CDH18: variants seen among roughly 807,000 people sequenced by gnomAD.
CDH18 encodes the protein cadherin 18, also known as cadherin-18.
In CDH18, 31 loss-of-function variants were observed where a neutral mutation model predicts 67.9. The ratio of observed to expected loss-of-function variants is 0.46; its 90% CI spans 0.34 to 0.62. CDH18 has a LOEUF of 0.62. Among genes scored for constraint, CDH18 ranks in the 20% least tolerant of loss-of-function variants. The pLI is 0.01. For missense variants in CDH18, 890 were observed against 975.5 expected, an observed-to-expected ratio of 0.91 and a Z score of 1.17; for synonymous variants, 362 against 347.2, an observed-to-expected ratio of 1.04 and a Z score of -0.48.
intron 1 of CDH18, among the ~76,000 whole-genome samples, chr5:20,351,359 C>T (rs1180504477): frequency 6.6e-6 from 1 of 151,788 alleles, no homozygotes; most frequent in East Asian, 1.9e-4. Context: ...ATATAAAATG[C>T]TTTTCTAGAA....
At chr5:19,768,958 A>T (rs1168058582) in intron 3 of CDH18, among the ~76,000 whole-genome samples, 1 of 152,128 alleles carries the variant, frequency 6.6e-6, no homozygotes, top group Non-Finnish European at 1.5e-5. Context: ...CAACAGATTT[A>T]AAAGAAGGCA....
chr5:19,828,389 C>T (rs1187512995), intron 3 of CDH18, among the ~76,000 whole-genome samples: 3 of 151,946 alleles, frequency 2.0e-5, no homozygotes, highest in South Asian at 2.1e-4. Flanking sequence ...CATCCTGATA[C>T]AAAAATCTGT....
At chr5:20,051,424 T>C (rs571516652) in intron 2 of CDH18, among the ~76,000 whole-genome samples, 3 of 152,100 alleles carry the variant, frequency 2.0e-5, no homozygotes, top group African/African-American at 7.2e-5. Context: ...CCATTATAAA[T>C]TTCTGAGTTA....
intron 1 of CDH18, among the ~76,000 whole-genome samples, chr5:20,540,451 T>C (rs952907855): frequency 6.6e-6 from 1 of 152,150 alleles, no homozygotes; most frequent in African/African-American, 2.4e-5. Flanking sequence ...GATGCACCAG[T>C]CACAGTTTTA....
intron 12 of CDH18, among the ~76,000 whole-genome samples, chr5:19,474,594 A>C (rs1738126953): frequency 6.6e-6 from 1 of 152,154 alleles, no homozygotes; most frequent in South Asian, 2.1e-4. Flanking sequence ...AGGAAAGAGT[A>C]TCTAAATAAC....
intron 2 of CDH18, among the ~76,000 whole-genome samples, chr5:19,962,293 T>C (rs571583675): frequency 1.1e-3 from 154 of 140,572 alleles, no homozygotes; most frequent in Admixed American, 2.0e-3. Context: ...TCAGATTTAC[T>C]ATTTACAAAC....
intron 2 of CDH18, among the ~76,000 whole-genome samples, chr5:20,234,245 C>T (rs1333561401): frequency 1.3e-5 from 2 of 151,960 alleles, no homozygotes; most frequent in Non-Finnish European, 2.9e-5. Flanking sequence ...TGGGCTAAAC[C>T]CTTATTCATT....
intron 9 of CDH18, among the ~76,000 whole-genome samples, chr5:19,532,779 A>G (rs1267463082): frequency 6.6e-6 from 1 of 152,210 alleles, no homozygotes; most frequent in Non-Finnish European, 1.5e-5. Flanking sequence ...ACTTATAAAT[A>G]GTTTTTAAAG....
intron 2 of CDH18, among the ~76,000 whole-genome samples, chr5:20,020,918 T>C (rs1228305067): frequency 6.6e-6 from 1 of 152,026 alleles, no homozygotes; most frequent in Non-Finnish European, 1.5e-5. Context: ...ACTATGCACC[T>C]GAAAAAGTCG....
rs534236323 is a variant in CDH18, at chr5:20,331,144, T to C, written c.-579-75639A>G. On this transcript the variant is annotated intron_variant, in intron 1 of 14. Transcript: ENST00000507958. ...AATATTAGTTGTAGAAGATTAATGA[T>C]AGATCTATGTTTTCTTTAACCTCTG... is the stretch of plus-strand genomic sequence containing the variant. Among the ~76,000 whole-genome samples, 9 of 152,362 alleles carry C rather than the reference T, an allele frequency of 5.9e-5. No individual in the cohort carries two copies. In the South Asian group the frequency reaches 1.9e-3, roughly 32 times the overall value.
At chr5:20,215,892 C>T (rs554774895) in intron 2 of CDH18, among the ~76,000 whole-genome samples, 7 of 151,936 alleles carry the variant, frequency 4.6e-5, no homozygotes, top group Non-Finnish European at 7.4e-5. Context: ...CCAAATACTG[C>T]ATACTCTTAC....
chr5:20,193,813 T>C (rs1358058247), intron 2 of CDH18, among the ~76,000 whole-genome samples: 1 of 152,130 alleles, frequency 6.6e-6, no homozygotes, highest in Non-Finnish European at 1.5e-5. Flanking sequence ...AATTAATACA[T>C]GTAATCCATC....
At chr5:19,622,737 G>C (rs531880696) in intron 5 of CDH18, among the ~76,000 whole-genome samples, 1 of 152,222 alleles carries the variant, frequency 6.6e-6, no homozygotes, top group African/African-American at 2.4e-5. Flanking sequence ...TCTCCTAGCT[G>C]TTCCTACTAA....
chr5:20,471,198 C>G (rs1483568127), intron 1 of CDH18, among the ~76,000 whole-genome samples: 2 of 152,172 alleles, frequency 1.3e-5, no homozygotes, highest in Admixed American at 6.5e-5. Context: ...ATTTTTGACA[C>G]TGTTGATCAC....
At chr5:19,936,287 A>G (rs1181783178) in intron 2 of CDH18, among the ~76,000 whole-genome samples, 1 of 151,294 alleles carries the variant, frequency 6.6e-6, no homozygotes, top group East Asian at 1.9e-4. Flanking sequence ...TCAACAAGAA[A>G]TGTTTTGAAA....
chr5:19,571,655 A>G lies in CDH18; in HGVS notation c.1177T>C (p.Tyr393His). ...FSMPSYLMEV[Y>H]ENAKIGTVVG... ...ACGGTCCCAATCTTGGCATTTTCGT[A>G]GACTTCCATGAGGTAGGAAGGCATG... The change falls in exon 8 of 13, where the codon TAC (tyrosine) becomes CAC (histidine). Residue 393 changes from tyrosine to histidine, a missense_variant. By Grantham distance (83) the Tyr-to-His change is moderately conservative. Transcript: ENST00000382275. The G allele has an allele frequency of 3.7e-6, 6 of 1,613,900 alleles. No homozygotes were observed. Among genetic ancestry groups the G allele is most frequent in the Non-Finnish European group, 4.2e-6 (5 of 1,179,824 alleles).
At chr5:19,685,883 C>A (rs1404200695) in intron 5 of CDH18, among the ~76,000 whole-genome samples, 3 of 152,092 alleles carry the variant, frequency 2.0e-5, no homozygotes, top group African/African-American at 7.2e-5. Flanking sequence ...TTTTAAGTTC[C>A]AGTCTCAGAA....
intron 2 of CDH18, among the ~76,000 whole-genome samples, chr5:20,151,024 T>A (rs1218601932): frequency 2.7e-5 from 4 of 149,494 alleles, no homozygotes; most frequent in Non-Finnish European, 4.5e-5. Context: ...TTTATTTCAA[T>A]TTTTTTTTTA....
intron 1 of CDH18, among the ~76,000 whole-genome samples, chr5:20,506,653 C>A (rs931024319): frequency 6.6e-6 from 1 of 152,174 alleles, no homozygotes; most frequent in African/African-American, 2.4e-5. Context: ...TAAGCCACAC[C>A]CAGACTCCTG....
Sources: gnomAD v4.1 joint callset for allele counts (sites outside exome capture counted in the v4.1 genomes callset) on GRCh38, gnomAD v4.1.1 for gene constraint, MANE v1.5 for transcripts, NCBI Gene and HGNC (gene_info 2026-07-23, HGNC 2026-07-21) for gene names.